POTEC: variants seen among roughly 807,000 people sequenced by gnomAD.
POTEC encodes ANKRD26-like family B member 2.
Under a neutral mutation model 62.0 loss-of-function variants are expected in POTEC, and 35 were observed. The ratio of observed to expected loss-of-function variants is 0.56; its 90% CI spans 0.43 to 0.75. The LOEUF is 0.75. Ranked by LOEUF, POTEC falls within the 30% of genes least tolerant of loss-of-function variation. The pLI is 0.00. For synonymous variants in POTEC, 156 were observed against 221.5 expected (o/e 0.70, Z 2.62); for missense variants, 472 against 655.9 (o/e 0.72, Z 3.06).
chr18:14,526,591 G>C (rs1027406025), intron 6 of POTEC, among the ~76,000 whole-genome samples: 3 of 152,062 alleles, frequency 2.0e-5, no homozygotes, highest in Non-Finnish European at 4.4e-5. Context: ...GGGCAAGAAA[G>C]GGTGACAGCA....
intron 9 of POTEC, among the ~76,000 whole-genome samples, chr18:14,518,194 C>A (rs888742053): frequency 2.0e-5 from 3 of 152,060 alleles, no homozygotes; most frequent in African/African-American, 7.2e-5. Context: ...AGGCCTTTTT[C>A]TAGGCAGTGA....
intron 1 of POTEC, among the ~76,000 whole-genome samples, chr18:14,541,498 A>C (rs1175274324): frequency 6.6e-6 from 1 of 152,152 alleles, no homozygotes; most frequent in Non-Finnish European, 1.5e-5. Context: ...AAAAGTAGCC[A>C]GGCATGGTGG....
chr18:14,507,780 C>T lies in POTEC; in HGVS notation c.*4118G>A, dbSNP rs201551075. The T allele has an allele frequency of 2.6e-5, 4 of 152,290 alleles. No homozygotes were observed. The highest frequency in any genetic ancestry group is 4.1e-4 in the South Asian group (2 of 4,822). 9.4% of individuals were successfully genotyped at this position (152,290 alleles called of 1,614,324 possible). ...TCTTGTAAGGTAGGTCTGGTGATAA[C>T]GAATTCCCTCAGCATTTGCTTGTCT... On this transcript the variant is annotated 3_prime_UTR_variant, in exon 11 of 11. Coordinates refer to ENST00000358970, the MANE Select transcript of POTEC (RefSeq NM_001137671.2).
At chr18:14,540,311 C>T (rs9646455) in intron 1 of POTEC, among the ~76,000 whole-genome samples, 36,464 of 152,090 alleles carry the variant, frequency 0.24, 5,587 homozygotes, top group Non-Finnish European at 0.34. Context: ...TCCTTCTCTT[C>T]CCAAGTATTA....
intron 9 of POTEC, among the ~76,000 whole-genome samples, chr18:14,517,588 G>A (rs532938999): frequency 9.2e-5 from 14 of 151,562 alleles, no homozygotes; most frequent in South Asian, 2.1e-4. Context: ...GTGGCCAGGC[G>A]CAGTGGCTCA....
At chr18:14,513,501 T>C (rs1010811905) in intron 10 of POTEC, among the ~76,000 whole-genome samples, 161 bp downstream of exon 10, 4 of 150,916 alleles carry the variant, frequency 2.7e-5, no homozygotes, top group Non-Finnish European at 5.9e-5. Flanking sequence ...TATAGATATA[T>C]GACCAAGGAT....
intron 6 of POTEC, among the ~76,000 whole-genome samples, chr18:14,529,493 T>A (rs1305467334): frequency 6.6e-6 from 1 of 152,176 alleles, no homozygotes; most frequent in Non-Finnish European, 1.5e-5. Flanking sequence ...AGAAGCTTTT[T>A]GATAAATAGA....
chr18:14,512,746 G>A (rs1336222941), intron 10 of POTEC, among the ~76,000 whole-genome samples: 2 of 151,530 alleles, frequency 1.3e-5, no homozygotes, highest in African/African-American at 4.9e-5. Flanking sequence ...ACTCCAGCGT[G>A]GGTGACAGTG....
rs554267319 is a variant in POTEC at position 14,542,829 on chromosome 18, G to A, written c.318C>T (p.Phe106=). The A allele has an allele frequency of 3.9e-4, 623 of 1,613,552 alleles. 2 individuals are homozygous for A. In the African/African-American group the frequency reaches 7.4e-3, roughly 19 times the overall value. ...SKMGKWCCHC[F]PCCRGSGKSN... is the part of the protein sequence containing the mutation. Reference sequence around the variant, plus strand: ...TCTTGCCGCTCCCCCTGCAGCAGGGGAAGCAGTGACAGCACCACTTGCCCA... The same window carrying A: ...TCTTGCCGCTCCCCCTGCAGCAGGGAAAGCAGTGACAGCACCACTTGCCCA... Residue 106 remains phenylalanine (F), a synonymous_variant, in exon 1 of 11, where the codon TTC becomes TTT. Transcript: ENST00000358970.
intron 9 of POTEC, among the ~76,000 whole-genome samples, chr18:14,519,760 T>C (rs565311989): frequency 6.6e-6 from 1 of 150,752 alleles, no homozygotes; most frequent in Non-Finnish European, 1.5e-5. Flanking sequence ...GATTGAGGAG[T>C]GAGCCCTGGG....
chr18:14,522,580 T>C (rs990131406), intron 8 of POTEC, among the ~76,000 whole-genome samples, 160 bp from the exon 9 acceptor site: 13 of 152,204 alleles, frequency 8.5e-5, no homozygotes, highest in Non-Finnish European at 1.6e-4. Context: ...TACCGTATAA[T>C]TTTAAGATGT....
In POTEC at chr18:14,509,354, T is replaced by C. The variant is rs1303376801; in HGVS notation, c.*2544A>G. On this transcript the variant is annotated 3_prime_UTR_variant, in exon 11 of 11. Coordinates refer to ENST00000358970, the MANE Select transcript of POTEC (RefSeq NM_001137671.2). ...GGGTATAAGAAGGTCCCTTTTCCTC[T>C]GCACAGCATTACCTCAAGGGTGAGA... is the stretch of plus-strand genomic sequence containing the variant. The C allele has an allele frequency of 2.0e-5, 3 of 152,036 alleles. No individual in the cohort carries two copies. Among genetic ancestry groups the C allele is most frequent in the African/African-American group, 7.2e-5 (3 of 41,390 alleles). 9.4% of individuals were successfully genotyped at this position (152,036 alleles called of 1,614,324 possible). A position where few individuals can be genotyped will look rare whatever the true frequency, so the allele number is the denominator to read the frequency against.
intron 3 of POTEC, among the ~76,000 whole-genome samples, chr18:14,535,995 T>C (rs1259163315): frequency 2.0e-5 from 3 of 151,864 alleles, no homozygotes; most frequent in African/African-American, 4.8e-5. Context: ...AGGCCAGGAA[T>C]GGTGGCTCAC....
At chr18:14,527,780 A>G (rs1458670675) in intron 6 of POTEC, 2 of 152,100 alleles carry the variant, frequency 1.3e-5, no homozygotes, top group African/African-American at 4.8e-5. Flanking sequence ...TGAAAAAAGC[A>G]TAACACCAAA....
intron 5 of POTEC, 115 bp downstream of exon 5, chr18:14,532,946 A>G: frequency 1.3e-6 from 2 of 1,589,344 alleles, no homozygotes; most frequent in East Asian, 2.2e-5. Flanking sequence ...CTCACTGCCA[A>G]TCTAAAACTA....
intron 1 of POTEC, among the ~76,000 whole-genome samples, chr18:14,538,732 C>T (rs1202300250): frequency 1.3e-5 from 2 of 152,152 alleles, no homozygotes; most frequent in Admixed American, 1.3e-4. Flanking sequence ...TACAATTAAA[C>T]CTACACTTTC....
At position 14,540,927 on chromosome 18, in the gene POTEC, A is replaced by G. The variant is rs1233910607; in HGVS notation, c.521+1699T>C. 3.3e-5 allele frequency among the ~76,000 whole-genome samples: 5 copies of G among 151,884 alleles called. No homozygotes were observed. The East Asian group carries it at 9.7e-4, about 29-fold the overall frequency. ...TTTTTTTGAGATGGAGTCTCACTCCATCACCCAGGCTGGAGTGTAGTGGTG... is the reference window on the plus strand; with the variant it reads ...TTTTTTTGAGATGGAGTCTCACTCCGTCACCCAGGCTGGAGTGTAGTGGTG... On this transcript the variant is annotated intron_variant, in intron 1 of 10. Coordinates refer to ENST00000358970, the MANE Select transcript of POTEC (RefSeq NM_001137671.2).
intron 9 of POTEC, among the ~76,000 whole-genome samples, chr18:14,515,305 T>TCTC (rs1173017362): frequency 6.6e-6 from 1 of 152,118 alleles, no homozygotes; most frequent in Non-Finnish European, 1.5e-5. Flanking sequence ...CAAATTATAC[T>TCTC]CTAAGGCCAC....
At chr18:14,528,144 A>G (rs1432982035) in intron 6 of POTEC, 2 of 152,170 alleles carry the variant, frequency 1.3e-5, no homozygotes, top group Non-Finnish European at 2.9e-5. Flanking sequence ...ATAGTCTAAA[A>G]TATTTCCCAC....
Sources: allele counts gnomAD v4.1 joint callset (sites outside exome capture counted in the v4.1 genomes callset), GRCh38; gene constraint gnomAD v4.1.1; transcripts MANE v1.5; gene names NCBI Gene and HGNC (gene_info 2026-07-23, HGNC 2026-07-21).